Variants in ACAD10 observed in about 807,000 individuals in gnomAD.
ACAD10 encodes acyl-CoA dehydrogenase family member 10.
In ACAD10, 112 loss-of-function variants were observed where a neutral mutation model predicts 116.8. That is an observed-to-expected ratio of 0.96 (90% CI 0.82 to 1.12). The LOEUF (loss-of-function observed/expected upper bound fraction) is 1.12, where lower values mean the gene tolerates loss of function less well. Ranked by LOEUF, ACAD10 falls within the 50% of genes most tolerant of loss-of-function variation. The pLI is 0.00. For missense variants in ACAD10, 1,259 were observed against 1,350.2 expected (o/e 0.93, Z 1.06); for synonymous variants, 486 against 510.6 (o/e 0.95, Z 0.65).
intron 19 of ACAD10, among the ~76,000 whole-genome samples, chr12:111,754,483 C>T (rs991628100): frequency 5.9e-5 from 9 of 152,124 alleles, no homozygotes; most frequent in Admixed American, 1.3e-4. Context: ...CCGGCTCTCA[C>T]CATGTTGCCC....
chr12:111,739,455 G>A (rs1593048049), intron 12 of ACAD10, among the ~76,000 whole-genome samples: 1 of 152,142 alleles, frequency 6.6e-6, no homozygotes, highest in South Asian at 2.1e-4. Context: ...TAGATTGAGA[G>A]AGACTTAAAA....
chr12:111,697,471 G>A (rs77177960), intron 2 of ACAD10, among the ~76,000 whole-genome samples: 26,751 of 147,158 alleles, frequency 0.18, 2,464 homozygotes, highest in East Asian at 0.29. Context: ...AGCAATTCTC[G>A]TGCCTCAGCC....
intron 1 of ACAD10, among the ~76,000 whole-genome samples, chr12:111,687,161 G>C (rs748976555): frequency 2.0e-5 from 3 of 152,044 alleles, no homozygotes; most frequent in African/African-American, 4.8e-5. Flanking sequence ...TAAGTACATA[G>C]TACATTCTAG....
At position 111,729,959 on chromosome 12, in the gene ACAD10, A is replaced by ACCT. The variant is rs1373285723; in HGVS notation, c.1394+3_1394+4insCCT. Reference sequence around the variant, plus strand: ...ACAGTGGTGCACGGGGACTTCAGGTAGATGTGGTGGCAGGGAGAGCTGAAA... The same window carrying ACCT: ...ACAGTGGTGCACGGGGACTTCAGGTACCTGATGTGGTGGCAGGGAGAGCTGAAA... On this transcript the variant is annotated splice_donor_region_variant and intron_variant, in intron 10 of 20. Transcript: ENST00000313698. 6.2e-7 allele frequency: 1 copy of ACCT among 1,612,960 alleles called. No homozygotes were observed. The highest frequency in any genetic ancestry group is 1.3e-5 in the African/African-American group (1 of 74,920).
chr12:111,733,121 A>G (rs1889443417), intron 10 of ACAD10, among the ~76,000 whole-genome samples: 1 of 151,672 alleles, frequency 6.6e-6, no homozygotes, highest in African/African-American at 2.4e-5. Flanking sequence ...AGGATCTTGC[A>G]CTGTCACCCA....
intron 2 of ACAD10, 112 bp from the exon 3 acceptor site, chr12:111,702,050 C>T: frequency 8.6e-7 from 1 of 1,167,790 alleles, no homozygotes; most frequent in East Asian, 2.4e-5. Flanking sequence ...CCAACAGCAT[C>T]CACCCTGGCA....
intron 8 of ACAD10, among the ~76,000 whole-genome samples, chr12:111,723,351 C>A (rs1272461344): frequency 1.5e-5 from 2 of 132,406 alleles, no homozygotes; most frequent in Non-Finnish European, 3.3e-5. Context: ...CCAGACGGGG[C>A]GGCTGTCCAG....
At chr12:111,702,341 T>G in intron 3 of ACAD10, 31 bp downstream of exon 3, 1 of 1,604,108 alleles carries the variant, frequency 6.2e-7, no homozygotes, top group Non-Finnish European at 8.5e-7. Context: ...CATTTCCATA[T>G]TTTTCTTTTT....
chr12:111,737,670 C>T (rs1889609228), intron 12 of ACAD10, among the ~76,000 whole-genome samples: 2 of 152,076 alleles, frequency 1.3e-5, no homozygotes, highest in South Asian at 4.1e-4. Context: ...CTGGGCCCTC[C>T]AGTTTTTCTG....
At chr12:111,729,714 A>G in intron 9 of ACAD10, 92 bp from the exon 10 acceptor site, 4 of 1,482,040 alleles carry the variant, frequency 2.7e-6, no homozygotes, top group South Asian at 1.3e-5. Flanking sequence ...AGTGCAGAGC[A>G]TGACAAAGGG....
At chr12:111,718,580 A>G (rs111909913) in intron 7 of ACAD10, among the ~76,000 whole-genome samples, 11 of 152,178 alleles carry the variant, frequency 7.2e-5, no homozygotes, top group African/African-American at 2.6e-4. Context: ...CCCAGGTTCA[A>G]GTGATTCTCC....
At chr12:111,688,604 C>A (rs1887949664) in intron 1 of ACAD10, among the ~76,000 whole-genome samples, 1 of 151,144 alleles carries the variant, frequency 6.6e-6, no homozygotes, top group Non-Finnish European at 1.5e-5. Flanking sequence ...GAGTTCGAGA[C>A]CAGCCTGGCC....
intron 7 of ACAD10, among the ~76,000 whole-genome samples, chr12:111,720,897 C>G (rs992048463): frequency 6.6e-6 from 1 of 152,084 alleles, no homozygotes; most frequent in Non-Finnish European, 1.5e-5. Context: ...GATTCTCATG[C>G]TTCAGCCACC....
chr12:111,751,297 A>G (rs1320316143), intron 18 of ACAD10, among the ~76,000 whole-genome samples: 1 of 152,154 alleles, frequency 6.6e-6, no homozygotes, highest in Non-Finnish European at 1.5e-5. Context: ...GAAATTGCTC[A>G]CTATATACAC....
chr12:111,748,455 A>G lies in ACAD10; in HGVS notation c.2624A>G (p.Tyr875Cys). ...GIKIIRPLTV[Y>C]GLEDAPGGHG... ...AAAATCATCCGGCCTCTGACGGTGT[A>G]TGGACTGGAAGATGCACCAGGTGAG... The change falls in exon 17 of 21, where the codon TAT becomes TGT. Residue 875 changes from tyrosine (Y) to cysteine (C), a missense_variant. Physicochemically the swap from Tyr to Cys is radical, Grantham distance 194 (BLOSUM62 -2). Transcript: ENST00000313698. 6.2e-7 allele frequency: 1 copy of G among 1,613,588 alleles called. No homozygotes were observed. Among genetic ancestry groups the G allele is most frequent in the South Asian group, 1.1e-5 (1 of 91,054 alleles).
chr12:111,753,894 C>T lies in ACAD10; in HGVS notation c.2940C>T (p.Leu980=). ...TGCTGGTGCTGAGAGCTGCCCACCT[C>T]ATGGACCTGGCAGGAAACAAGGTAG... The part of the protein sequence containing the change: ...ARLLVLRAAH[L]MDLAGNKAAA... The change falls in exon 19 of 21, where the codon CTC becomes CTT. Residue 980 remains leucine (L), a synonymous_variant. Transcript: ENST00000313698. 3.7e-6 allele frequency: 6 copies of T among 1,608,228 alleles called. No homozygotes were observed. Among genetic ancestry groups the T allele is most frequent in the Non-Finnish European group, 5.1e-6 (6 of 1,176,138 alleles).
chr12:111,719,222 A>G (rs1288215884), intron 7 of ACAD10, among the ~76,000 whole-genome samples: 2 of 152,124 alleles, frequency 1.3e-5, no homozygotes, highest in Admixed American at 6.6e-5. Context: ...GTTTAATTCC[A>G]TTGAAGTCTG....
intron 2 of ACAD10, among the ~76,000 whole-genome samples, chr12:111,701,441 GAT>G (rs1375766884): frequency 2.6e-5 from 4 of 151,056 alleles, no homozygotes; most frequent in African/African-American, 9.8e-5. Flanking sequence ...CAGGCAGGCA[GAT>G]CACCTGAGGT....
At chr12:111,723,909 G>A (rs922456148) in intron 8 of ACAD10, among the ~76,000 whole-genome samples, 1 of 149,450 alleles carries the variant, frequency 6.7e-6, no homozygotes, top group Non-Finnish European at 1.5e-5. Flanking sequence ...CTCCCAGACG[G>A]GGTCTCGGCC....
Sources: gnomAD v4.1 joint callset for allele counts (sites outside exome capture counted in the v4.1 genomes callset) on GRCh38, gnomAD v4.1.1 for gene constraint, MANE v1.5 for transcripts, NCBI Gene and HGNC (gene_info 2026-07-23, HGNC 2026-07-21) for gene names.